POLA1: variants seen among roughly 807,000 people sequenced by gnomAD.
POLA1 encodes the protein DNA polymerase alpha 1, catalytic subunit, also known as DNA polymerase alpha catalytic subunit.
POLA1 carries 15 observed loss-of-function variants against 124.0 expected under a neutral mutation model. The ratio of observed to expected loss-of-function variants is 0.12; its 90% CI spans 0.08 to 0.19. The LOEUF is 0.19. Ranked by LOEUF, POLA1 falls within the 10% of genes least tolerant of loss-of-function variation. The pLI is 1.00. For missense variants in POLA1, 886 were observed against 1,103.4 expected (o/e 0.80, Z 2.79); for synonymous variants, 408 against 389.4 (o/e 1.05, Z -0.56).
intron 35 of POLA1, among the ~76,000 whole-genome samples, chrX:24,914,024 A>G (rs1241022399): frequency 2.7e-5 from 3 of 109,961 alleles, no homozygotes; most frequent in Non-Finnish European, 3.8e-5. Flanking sequence ...ATGAAACTCC[A>G]TCTCAAAAAA....
chrX:24,702,138 G>A (rs1928488820), intron 2 of POLA1, among the ~76,000 whole-genome samples: 1 of 105,737 alleles, frequency 9.5e-6, no homozygotes, highest in South Asian at 4.3e-4. Flanking sequence ...TCGGCTCACT[G>A]CATCACTGCA....
rs994063536 is a variant in POLA1, at chrX:24,826,540, C to T, written c.3675C>T (p.Val1225=). 8.3e-7 allele frequency: 1 copy of T among 1,206,158 alleles called. No homozygotes were observed. The highest frequency in any genetic ancestry group is 3.0e-5 in the East Asian group (1 of 33,671). ...QYYLAQQIHP[V]VARICEPIDG... is the part of the protein sequence containing the mutation. ...ACCTGGCCCAGCAGATCCACCCAGTCGTGGCTCGGATCTGTGAACCAATAG... is the reference window on the plus strand; with the variant it reads ...ACCTGGCCCAGCAGATCCACCCAGTTGTGGCTCGGATCTGTGAACCAATAG... Residue 1225 remains valine (V), a synonymous_variant, in exon 32 of 37, where the codon GTC becomes GTT. Transcript: ENST00000379068.
chrX:24,758,690 T>G (rs1450273637), intron 26 of POLA1, among the ~76,000 whole-genome samples: 6 of 112,324 alleles, frequency 5.3e-5, no homozygotes, highest in African/African-American at 1.9e-4. Context: ...GTTTTTTTGT[T>G]TTTTTGTTTT....
At position 24,727,773 on chromosome X, in the gene POLA1, C is replaced by T; in HGVS notation, c.1532-9C>T. ...TAGCTATTGATCTGTTGTATCTATT[C>T]TCTTTCAGAGCTCTTGAATCAGCCA... On this transcript the variant is annotated splice_polypyrimidine_tract_variant and intron_variant, in intron 14 of 36. Coordinates refer to ENST00000379068, the MANE Select transcript of POLA1 (RefSeq NM_001330360.2). The T allele has an allele frequency of 8.4e-7, 1 of 1,196,195 alleles. No homozygotes were observed. Among genetic ancestry groups the T allele is most frequent in the Non-Finnish European group, 1.1e-6 (1 of 883,910 alleles).
intron 31 of POLA1, 42 bp downstream of exon 31, chrX:24,821,625 A>G (rs2046090044): frequency 1.2e-5 from 13 of 1,065,242 alleles, no homozygotes; most frequent in Non-Finnish European, 1.4e-5. Flanking sequence ...CCTCTTAAGA[A>G]CTGAAAGTAA....
intron 13 of POLA1, 85 bp downstream of exon 13, chrX:24,726,140 A>C: frequency 1.7e-6 from 1 of 580,136 alleles, no homozygotes; most frequent in Non-Finnish European, 2.9e-6. Context: ...TTCAGTTACG[A>C]GTATTGGCAG....
intron 36 of POLA1, among the ~76,000 whole-genome samples, chrX:24,944,113 C>G (rs2047936099): frequency 8.9e-6 from 1 of 111,991 alleles, no homozygotes; most frequent in Middle Eastern, 4.6e-3. Context: ...AAAAATATCT[C>G]TATAGTGCAT....
At chrX:24,889,424 A>G (rs1361988218) in intron 35 of POLA1, among the ~76,000 whole-genome samples, 1 of 112,187 alleles carries the variant, frequency 8.9e-6, no homozygotes, top group Non-Finnish European at 1.9e-5. Flanking sequence ...GCTAAAATTA[A>G]ACAAGTTTAT....
intron 1 of POLA1, among the ~76,000 whole-genome samples, chrX:24,694,873 C>G (rs1569267504): frequency 8.9e-6 from 1 of 112,121 alleles, no homozygotes; most frequent in Non-Finnish European, 1.9e-5. Flanking sequence ...TTGCATTCAC[C>G]TAGTTGTGAG....
At chrX:24,993,635 G>A (rs11573528) in intron 36 of POLA1, among the ~76,000 whole-genome samples, 4,420 of 111,677 alleles carry the variant, frequency 0.04, 224 homozygotes, top group African/African-American at 0.14. Flanking sequence ...CCTAAAGGGG[G>A]AAGAGAAAAA....
intron 1 of POLA1, among the ~76,000 whole-genome samples, chrX:24,695,307 C>CT (rs1053682760): frequency 9.1e-6 from 1 of 110,051 alleles, no homozygotes; most frequent in Non-Finnish European, 1.9e-5. Flanking sequence ...CATGCTTATT[C>CT]TTTTTTTGCT....
chrX:24,939,141 C>T (rs2047885261), intron 36 of POLA1, among the ~76,000 whole-genome samples: 1 of 111,995 alleles, frequency 8.9e-6, no homozygotes, highest in Non-Finnish European at 1.9e-5. Flanking sequence ...GTGACAGGTA[C>T]AGCAACACAA....
chrX:24,757,435 A>ATTTTTTTTTTTTTT (rs1569298336), intron 26 of POLA1, among the ~76,000 whole-genome samples: 2 of 64,642 alleles, frequency 3.1e-5, no homozygotes, highest in Admixed American at 2.0e-4. Context: ...AAAATCTGAA[A>ATTTTTTTTTTTTTT]CTTTTTTTTT....
intron 26 of POLA1, among the ~76,000 whole-genome samples, chrX:24,753,038 ATC>A (rs1226263836): frequency 9.1e-6 from 1 of 109,385 alleles, no homozygotes; most frequent in Non-Finnish European, 1.9e-5. Context: ...TTGAGATGGA[ATC>A]TCTCTCTGTT....
intron 35 of POLA1, among the ~76,000 whole-genome samples, chrX:24,903,072 G>A (rs2047304923): frequency 8.9e-6 from 1 of 112,292 alleles, no homozygotes; most frequent in Non-Finnish European, 1.9e-5. Flanking sequence ...GAGGTAGCTG[G>A]TTGATGTTTG....
chrX:24,962,486 T>A (rs2048178673), intron 36 of POLA1, among the ~76,000 whole-genome samples: 1 of 112,178 alleles, frequency 8.9e-6, no homozygotes, highest in Non-Finnish European at 1.9e-5. Context: ...TAACTAATAT[T>A]TTATTGAGTG....
At chrX:24,869,281 T>C (rs1224873324) in intron 34 of POLA1, among the ~76,000 whole-genome samples, 1 of 112,470 alleles carries the variant, frequency 8.9e-6, no homozygotes, top group Non-Finnish European at 1.9e-5. Context: ...TTTGGGACAC[T>C]GGTCTTACAT....
At chrX:24,805,431 C>T (rs190103302) in intron 26 of POLA1, among the ~76,000 whole-genome samples, 4 of 111,273 alleles carry the variant, frequency 3.6e-5, no homozygotes, top group African/African-American at 9.8e-5. Flanking sequence ...TATTATGACT[C>T]GACTTGCGTA....
intron 36 of POLA1, among the ~76,000 whole-genome samples, chrX:24,942,258 A>G (rs2047916536): frequency 8.9e-6 from 1 of 112,409 alleles, no homozygotes; most frequent in African/African-American, 3.2e-5. Context: ...CCCCAAAAGG[A>G]TGAAATGACT....
Sources: gnomAD v4.1 joint callset for allele counts (sites outside exome capture counted in the v4.1 genomes callset) on GRCh38, gnomAD v4.1.1 for gene constraint, MANE v1.5 for transcripts, NCBI Gene and HGNC (gene_info 2026-07-23, HGNC 2026-07-21) for gene names.